SPOP: variants seen among roughly 807,000 people sequenced by gnomAD.
The protein encoded by SPOP is speckle type BTB/POZ protein, also known as speckle-type POZ protein.
In SPOP, 11 loss-of-function variants were observed where a neutral mutation model predicts 45.6. The observed-to-expected ratio is 0.24, with a 90% CI of 0.15 to 0.40. SPOP has a LOEUF of 0.40. Among genes scored for constraint, SPOP ranks in the 10% least tolerant of loss-of-function variants. SPOP has a pLI of 1.00. For missense variants in SPOP, 152 were observed against 465.6 expected, an observed-to-expected ratio of 0.33 and a Z score of 6.20; for synonymous variants, 166 against 166.3, an observed-to-expected ratio of 1.00 and a Z score of 0.01.
At position 49,600,400 on chromosome 17, in the gene SPOP, C is replaced by T. The variant is rs1380705599; in HGVS notation, c.1103G>A (p.Arg368His). ...ATCTTAGGATTGCTTCAGGCGTTTG[C>T]GTGGGGGTCCCAGAAAAGGGCACTG... is the stretch of plus-strand genomic sequence containing the variant. The part of the protein sequence containing the change: ...SAQCPFLGPP[R>H]KRLKQS Residue 368 changes from arginine to histidine, a missense_variant, in exon 10 of 10, where the codon CGC (arginine) becomes CAC (histidine). Physicochemically the swap from Arg to His is conservative, Grantham distance 29. Transcript: ENST00000504102. This position sits in a 1 kb window ranked among gnomAD's most constrained non-coding sequence, Gnocchi z 4.2. 1.9e-6 allele frequency: 3 copies of T among 1,613,966 alleles called. No individual in the cohort carries two copies. The highest frequency in any genetic ancestry group is 2.5e-6 in the Non-Finnish European group (3 of 1,180,008).
intron 1 of SPOP, among the ~76,000 whole-genome samples, chr17:49,677,688 G>T (rs574390480): frequency 2.0e-5 from 3 of 152,242 alleles, no homozygotes; most frequent in Non-Finnish European, 2.9e-5. Flanking sequence ...GGGAAATGAT[G>T]GGGGGGCTGA....
chr17:49,666,381 A>G (rs2073058018), intron 1 of SPOP, among the ~76,000 whole-genome samples: 1 of 151,948 alleles, frequency 6.6e-6, no homozygotes, highest in African/African-American at 2.4e-5. Flanking sequence ...AACTTTTACA[A>G]CTTTTAGAAG....
intron 1 of SPOP, among the ~76,000 whole-genome samples, chr17:49,670,965 TATA>T (rs780344849): frequency 3.9e-5 from 6 of 152,212 alleles, no homozygotes; most frequent in African/African-American, 1.2e-4. Flanking sequence ...GATGTTTTTA[TATA>T]ATAATAAAAC....
At chr17:49,653,363 A>AAAAC (rs138843541) in intron 1 of SPOP, among the ~76,000 whole-genome samples, 5 of 152,030 alleles carry the variant, frequency 3.3e-5, no homozygotes, top group East Asian at 1.9e-4. Flanking sequence ...TTATATCCTC[A>AAAAC]AAACAAACAA....
Position 49,600,311 on chromosome 17 carries a change from T to C in SPOP, c.*67A>G. 1 of 1,599,328 alleles carries C rather than the reference T, an allele frequency of 6.3e-7. No homozygotes were observed. Among genetic ancestry groups the C allele is most frequent in the African/African-American group, 1.3e-5 (1 of 74,732 alleles). Reference sequence around the variant, plus strand: ...TCCACAGATTGCGCTGTCTACCTGGTGGTCAGTGGCAGCAACAGTGGCTGC... The same window carrying C: ...TCCACAGATTGCGCTGTCTACCTGGCGGTCAGTGGCAGCAACAGTGGCTGC... On this transcript the variant is annotated 3_prime_UTR_variant, in exon 10 of 10. Transcript: ENST00000504102. The surrounding 1 kb of genome is among the most constrained non-coding windows in gnomAD (Gnocchi z 4.2).
At chr17:49,601,586 A>T in intron 9 of SPOP, 1 of 311,334 alleles carries the variant, frequency 3.2e-6, no homozygotes, top group Non-Finnish European at 6.1e-6. Context: ...AGTGTGAAGT[A>T]AAGATACTAT....
At chr17:49,605,804 A>G (rs2071830798) in intron 8 of SPOP, among the ~76,000 whole-genome samples, 1 of 152,074 alleles carries the variant, frequency 6.6e-6, no homozygotes, top group Admixed American at 6.5e-5. Flanking sequence ...CCTGACCAAC[A>G]TGGCGAAACC....
chr17:49,653,576 A>G (rs757114308), intron 1 of SPOP, among the ~76,000 whole-genome samples: 4 of 151,932 alleles, frequency 2.6e-5, no homozygotes, highest in Non-Finnish European at 5.9e-5. Context: ...AGTAGGCCCA[A>G]TAGCCTGCAT....
At chr17:49,604,320 T>A (rs1222340548) in intron 8 of SPOP, among the ~76,000 whole-genome samples, 1 of 152,230 alleles carries the variant, frequency 6.6e-6, no homozygotes, top group Non-Finnish European at 1.5e-5. Flanking sequence ...TTCATTGTAC[T>A]CATAAAGTCT....
At position 49,627,051 on chromosome 17, in the gene SPOP, A is replaced by G. The variant is rs376470824; in HGVS notation, c.-66-4175T>C. 3.3e-4 allele frequency among the ~76,000 whole-genome samples: 50 copies of G among 152,252 alleles called. 1 individual carries two copies. In the East Asian group the frequency reaches 4.6e-3, roughly 14 times the overall value. ...TTTTTAGTAGAGACAGGGTTTCACC[A>G]TGTTAGCCAGGATGGTCTCGATCTC... On this transcript the variant is annotated intron_variant, in intron 1 of 9. Coordinates refer to ENST00000504102, the MANE Select transcript of SPOP (RefSeq NM_001007228.2).
chr17:49,654,199 C>A (rs2143502048), intron 1 of SPOP, among the ~76,000 whole-genome samples: 1 of 152,282 alleles, frequency 6.6e-6, no homozygotes, highest in East Asian at 1.9e-4. Flanking sequence ...GTGCACAATT[C>A]CAGAGGTGAT....
At chr17:49,616,519 A>C (rs548796279) in intron 5 of SPOP, among the ~76,000 whole-genome samples, 1 of 152,362 alleles carries the variant, frequency 6.6e-6, no homozygotes, top group Non-Finnish European at 1.5e-5. Context: ...TATTCCACTG[A>C]TAGAAGGGAA....
At chr17:49,612,194 A>AC (rs1328837264) in intron 5 of SPOP, among the ~76,000 whole-genome samples, 2 of 152,190 alleles carry the variant, frequency 1.3e-5, no homozygotes, top group African/African-American at 2.4e-5. Context: ...AAATCTAATA[A>AC]CTGAAGCCTA....
intron 6 of SPOP, among the ~76,000 whole-genome samples, chr17:49,608,461 C>T (rs902385123): frequency 1.3e-5 from 2 of 151,936 alleles, no homozygotes; most frequent in Admixed American, 6.6e-5. Flanking sequence ...TGATATTGCC[C>T]CAAAGAGGTG....
intron 6 of SPOP, among the ~76,000 whole-genome samples, chr17:49,608,383 C>A (rs1335168564): frequency 1.3e-5 from 2 of 152,150 alleles, no homozygotes; most frequent in African/African-American, 4.8e-5. Context: ...CATCCACTAA[C>A]CAGATGAAGC....
chr17:49,627,062 G>A lies in SPOP; in HGVS notation c.-66-4186C>T, dbSNP rs529654818. The stretch of plus-strand genomic sequence containing the variant: ...GACAGGGTTTCACCATGTTAGCCAG[G>A]ATGGTCTCGATCTCCTGACCTCGTG... On this transcript the variant is annotated intron_variant, in intron 1 of 9. Transcript: ENST00000504102. Among the ~76,000 whole-genome samples, 700 of 152,288 alleles carry A rather than the reference G, an allele frequency of 4.6e-3. 3 individuals carry two copies. Among genetic ancestry groups the A allele is most frequent in the Non-Finnish European group, 7.3e-3 (496 of 68,024 alleles).
chr17:49,611,743 T>A (rs2071978780), intron 5 of SPOP, among the ~76,000 whole-genome samples: 1 of 152,272 alleles, frequency 6.6e-6, no homozygotes, highest in East Asian at 1.9e-4. Context: ...ACTACAAACC[T>A]GGGCAAAGGT....
intron 1 of SPOP, 31 bp from the exon 2 acceptor site, chr17:49,622,907 ATTAGATTATT>A (rs1185120781): frequency 2.1e-6 from 2 of 972,594 alleles, no homozygotes; most frequent in African/African-American, 3.2e-5. Context: ...AGAAAACTTT[ATTAGATTATT>A]AAGATACGAT....
At chr17:49,668,839 C>T (rs1279321580) in intron 1 of SPOP, among the ~76,000 whole-genome samples, 1 of 150,670 alleles carries the variant, frequency 6.6e-6, no homozygotes, top group Non-Finnish European at 1.5e-5. Flanking sequence ...TGCAATGGCA[C>T]GATCTCGGCT....
Sources: gnomAD v4.1 joint callset for allele counts (sites outside exome capture counted in the v4.1 genomes callset) on GRCh38, gnomAD v4.1.1 for gene constraint, Gnocchi (gnomAD v3.1) non-coding constraint, MANE v1.5 for transcripts, NCBI Gene and HGNC (gene_info 2026-07-23, HGNC 2026-07-21) for gene names.